GUCY1A2: variants seen among roughly 807,000 people sequenced by gnomAD.
GUCY1A2 encodes guanylate cyclase soluble subunit alpha-2.
GUCY1A2 carries 27 observed loss-of-function variants against 63.5 expected under a neutral mutation model. The observed-to-expected ratio is 0.43, with a 90% CI of 0.31 to 0.59. The LOEUF is 0.59. GUCY1A2 is among the 20% of genes least tolerant of loss of function. The pLI is 0.11. For synonymous variants in GUCY1A2, 364 were observed against 343.5 expected, an observed-to-expected ratio of 1.06 and a Z score of -0.66; for missense variants, 768 against 913.3, an observed-to-expected ratio of 0.84 and a Z score of 2.05.
At position 106,745,392 on chromosome 11, in the gene GUCY1A2, A is replaced by G. The variant is rs538810016; in HGVS notation, c.1836+31047T>C. ...TCTCCACTTCTTAAAAAACAGTGAA[A>G]TTTATTAGCCATTTTATTATACCAC... On this transcript the variant is annotated intron_variant, in intron 6 of 7. Transcript: ENST00000526355. Among the ~76,000 whole-genome samples, 8 of 152,340 alleles carry G rather than the reference A, an allele frequency of 5.3e-5. No individual in the cohort carries two copies. In the East Asian group the frequency reaches 1.3e-3, roughly 26 times the overall value.
chr11:106,861,299 G>A (rs1438085264), intron 4 of GUCY1A2, among the ~76,000 whole-genome samples: 8 of 128,692 alleles, frequency 6.2e-5, no homozygotes, highest in African/African-American at 1.3e-4. Flanking sequence ...ATTCTTTGCT[G>A]TATAAATTGT....
intron 5 of GUCY1A2, among the ~76,000 whole-genome samples, chr11:106,804,962 G>A (rs1858661643): frequency 6.6e-6 from 1 of 152,026 alleles, no homozygotes; most frequent in Non-Finnish European, 1.5e-5. Context: ...TTTGCTAATT[G>A]GCCTGAACTC....
chr11:106,879,941 T>C (rs1412525382), intron 4 of GUCY1A2, among the ~76,000 whole-genome samples: 1 of 152,096 alleles, frequency 6.6e-6, no homozygotes, highest in Non-Finnish European at 1.5e-5. Flanking sequence ...AATTGATCGT[T>C]ATATTGTATG....
intron 6 of GUCY1A2, among the ~76,000 whole-genome samples, chr11:106,718,821 C>T (rs1335818332): frequency 1.3e-5 from 2 of 151,916 alleles, no homozygotes; most frequent in Non-Finnish European, 2.9e-5. Flanking sequence ...ACAAACTGAC[C>T]ACTATAATGA....
At chr11:106,945,958 C>A (rs1267153105) in intron 3 of GUCY1A2, among the ~76,000 whole-genome samples, 4 of 151,970 alleles carry the variant, frequency 2.6e-5, no homozygotes. Context: ...AGAGCGAAAC[C>A]CATCTCAAAA....
intron 2 of GUCY1A2, among the ~76,000 whole-genome samples, chr11:106,984,452 GGAGAAAAAACTTTTCTGATTATAGCAATA>G (rs1861375996): frequency 6.6e-6 from 1 of 152,062 alleles, no homozygotes; most frequent in African/African-American, 2.4e-5. Flanking sequence ...TTCTATCAAT[GGAGAAAAAACTTTTCTGATTATAGCAATA>G]TAGTTTGGTT....
At chr11:106,784,714 T>A (rs1401434371) in intron 5 of GUCY1A2, among the ~76,000 whole-genome samples, 1 of 152,212 alleles carries the variant, frequency 6.6e-6, no homozygotes, top group Non-Finnish European at 1.5e-5. Flanking sequence ...CTTGTAGTCA[T>A]TCAATATGAA....
chr11:106,832,041 G>A (rs1591294666), intron 4 of GUCY1A2, among the ~76,000 whole-genome samples: 3 of 152,030 alleles, frequency 2.0e-5, no homozygotes, highest in African/African-American at 4.8e-5. Flanking sequence ...TTAATTAAAG[G>A]CAAGTCCCAA....
intron 3 of GUCY1A2, among the ~76,000 whole-genome samples, chr11:106,946,467 C>A (rs1860830595): frequency 6.6e-6 from 1 of 151,778 alleles, no homozygotes; most frequent in Non-Finnish European, 1.5e-5. Flanking sequence ...AAAACTCTCA[C>A]AAGAATTGTA....
At chr11:106,872,872 T>C (rs1256380434) in intron 4 of GUCY1A2, among the ~76,000 whole-genome samples, 1 of 152,170 alleles carries the variant, frequency 6.6e-6, no homozygotes, top group African/African-American at 2.4e-5. Flanking sequence ...ACATGTGCCA[T>C]GGTGGCTTGC....
intron 4 of GUCY1A2, among the ~76,000 whole-genome samples, chr11:106,928,732 T>C (rs1261706503): frequency 6.6e-6 from 1 of 152,194 alleles, no homozygotes; most frequent in Non-Finnish European, 1.5e-5. Flanking sequence ...TGCAAATCTA[T>C]ACAGTATGTG....
intron 4 of GUCY1A2, among the ~76,000 whole-genome samples, chr11:106,829,123 T>A (rs1859017052): frequency 1.3e-5 from 2 of 152,236 alleles, no homozygotes; most frequent in African/African-American, 4.8e-5. Flanking sequence ...TCAATAATAA[T>A]CTTCTGATTA....
At chr11:106,974,283 G>A (rs779504192) in intron 3 of GUCY1A2, among the ~76,000 whole-genome samples, 9 of 152,004 alleles carry the variant, frequency 5.9e-5, no homozygotes, top group Non-Finnish European at 1.0e-4. Flanking sequence ...ATGGTAAGTT[G>A]TTACTACACT....
At chr11:106,975,594 G>A (rs905609400) in intron 3 of GUCY1A2, among the ~76,000 whole-genome samples, 2 of 152,134 alleles carry the variant, frequency 1.3e-5, no homozygotes, top group Non-Finnish European at 1.5e-5. Flanking sequence ...AATTGGCAAA[G>A]CACCAAAATA....
chr11:106,863,864 G>A (rs1328436175), intron 4 of GUCY1A2, among the ~76,000 whole-genome samples: 1 of 152,126 alleles, frequency 6.6e-6, no homozygotes, highest in Non-Finnish European at 1.5e-5. Context: ...CTTGTAAGTT[G>A]TATTCCTGGG....
intron 5 of GUCY1A2, among the ~76,000 whole-genome samples, chr11:106,803,206 T>C (rs1434128501): frequency 1.3e-5 from 2 of 152,192 alleles, no homozygotes; most frequent in African/African-American, 2.4e-5. Context: ...TTTCATAGTA[T>C]TGGTCACAGA....
chr11:106,848,689 G>C (rs1253970495), intron 4 of GUCY1A2, among the ~76,000 whole-genome samples: 1 of 151,558 alleles, frequency 6.6e-6, no homozygotes, highest in African/African-American at 2.4e-5. Flanking sequence ...TTGAGAGAAG[G>C]ACAGACATTC....
chr11:106,782,931 C>T (rs958642538), intron 5 of GUCY1A2, among the ~76,000 whole-genome samples: 1 of 152,166 alleles, frequency 6.6e-6, no homozygotes, highest in African/African-American at 2.4e-5. Flanking sequence ...TTGCCAGATA[C>T]TCAGTAGGGT....
chr11:106,818,556 A>G (rs1463435053), intron 4 of GUCY1A2, among the ~76,000 whole-genome samples: 1 of 152,100 alleles, frequency 6.6e-6, no homozygotes, highest in Non-Finnish European at 1.5e-5. Context: ...ATAACACTAC[A>G]ATGACCTCTA....
Sources: allele counts gnomAD v4.1 joint callset (sites outside exome capture counted in the v4.1 genomes callset), GRCh38; gene constraint gnomAD v4.1.1; transcripts MANE v1.5; gene names NCBI Gene and HGNC (gene_info 2026-07-23, HGNC 2026-07-21).